CCSAP: variants seen among roughly 807,000 people sequenced by gnomAD.
CCSAP encodes the protein centriole, cilia and spindle associated protein, also known as centriole, cilia and spindle-associated protein.
A neutral mutation model predicts 25.9 loss-of-function variants in CCSAP; 17 were observed. That is an observed-to-expected ratio of 0.66 (90% CI 0.45 to 0.99). The LOEUF (loss-of-function observed/expected upper bound fraction) is 0.99. Among genes scored for constraint, CCSAP ranks in the 50% least tolerant of loss-of-function variants. CCSAP has a pLI of 0.00. For synonymous variants in CCSAP, 169 were observed against 157.1 expected (o/e 1.08, Z -0.57); for missense variants, 339 against 367.8 (o/e 0.92, Z 0.64).
chr1:229,342,587 C>T lies in CCSAP; in HGVS notation c.-48-74G>A, dbSNP rs1354860461. ...CCCTGCCCGCCGCGACGTTTAAACC[C>T]GGAGCCCCGCCCGGACGGGAGCAGG... is the stretch of plus-strand genomic sequence containing the variant. On this transcript the variant is annotated intron_variant, in intron 1 of 3. Coordinates refer to ENST00000284617, the MANE Select transcript of CCSAP (RefSeq NM_145257.5). The surrounding 1 kb of genome is among the most constrained non-coding windows in gnomAD (Gnocchi z 7.5). 3 of 625,514 alleles carry T rather than the reference C, an allele frequency of 4.8e-6. No homozygotes were observed. The highest frequency in any genetic ancestry group is 6.9e-6 in the Non-Finnish European group (3 of 436,048). 38.7% of individuals were successfully genotyped at this position (625,514 alleles called of 1,614,324 possible). A position where few individuals can be genotyped will look rare whatever the true frequency, so the allele number is the denominator to read the frequency against.
In CCSAP at chr1:229,342,525, G is replaced by A. The variant is rs1481834192; in HGVS notation, c.-48-12C>T. 20 of 1,175,542 alleles carry A rather than the reference G, an allele frequency of 1.7e-5. No homozygotes were observed. The highest frequency in any genetic ancestry group is 6.1e-5 in the South Asian group (2 of 32,668). 72.8% of individuals were successfully genotyped at this position (1,175,542 alleles called of 1,614,324 possible). A position where few individuals can be genotyped will look rare whatever the true frequency, so the allele number is the denominator to read the frequency against. ...TCGCTGCCCGCAGCCTACGGGACCC[G>A]GTACACGACACAGAGGCCGCCCCGC... On this transcript the variant is annotated splice_polypyrimidine_tract_variant and intron_variant, in intron 1 of 3. Coordinates refer to ENST00000284617, the MANE Select transcript of CCSAP (RefSeq NM_145257.5). The surrounding 1 kb of genome is among the most constrained non-coding windows in gnomAD (Gnocchi z 7.5).
intron 2 of CCSAP, among the ~76,000 whole-genome samples, chr1:229,339,156 T>C (rs1441361583): frequency 2.1e-5 from 3 of 143,310 alleles, no homozygotes; most frequent in Admixed American, 1.4e-4. Flanking sequence ...ATTAAAAACA[T>C]GAGTTTGTCT....
intron 2 of CCSAP, among the ~76,000 whole-genome samples, chr1:229,337,562 G>A (rs940433176): frequency 1.3e-5 from 2 of 150,258 alleles, no homozygotes; most frequent in African/African-American, 4.9e-5. Context: ...CTTGAGATGT[G>A]CAAGGCAGGG....
intron 2 of CCSAP, among the ~76,000 whole-genome samples, chr1:229,337,855 TAAG>T (rs2102698677): frequency 6.6e-6 from 1 of 150,648 alleles, no homozygotes; most frequent in East Asian, 1.9e-4. Context: ...CTAAAATAAA[TAAG>T]AAATAAGAAA....
At position 229,321,933 on chromosome 1, in the gene CCSAP, AACAACTATTT is replaced by A. The variant is rs2102688797; in HGVS notation, c.*3292_*3301del. On this transcript the variant is annotated 3_prime_UTR_variant, in exon 4 of 4. Coordinates refer to ENST00000284617, the MANE Select transcript of CCSAP (RefSeq NM_145257.5). ...CATTATTCCCTAAACAATATAGTATAACAACTATTTACAGAGCATTTACATTGTATTAGGT... is the reference window on the plus strand; with the variant it reads ...CATTATTCCCTAAACAATATAGTATAACAGAGCATTTACATTGTATTAGGT... 1 of 152,354 alleles carries A rather than the reference AACAACTATTT, an allele frequency of 6.6e-6. No individual in the cohort carries two copies. The highest frequency in any genetic ancestry group is 2.4e-5 in the African/African-American group (1 of 41,584). The allele number at this position is 152,354 out of a possible 1,614,324, so 9.4% of individuals were successfully genotyped here.
At chr1:229,332,572 C>T (rs1298355923) in intron 2 of CCSAP, among the ~76,000 whole-genome samples, 1 of 152,174 alleles carries the variant, frequency 6.6e-6, no homozygotes, top group African/African-American at 2.4e-5. Flanking sequence ...ACAGCATTAT[C>T]CACCAGTTAT....
intron 2 of CCSAP, among the ~76,000 whole-genome samples, chr1:229,337,706 C>CATATATATATATATATATATATATAT (rs397733324): frequency 1.1e-5 from 1 of 88,626 alleles, no homozygotes; most frequent in Non-Finnish European, 2.2e-5. Flanking sequence ...TATACACATA[C>CATATATATATATATATATATATATAT]ATATATATAT....
chr1:229,330,558 G>A (rs982497850), intron 2 of CCSAP, among the ~76,000 whole-genome samples: 2 of 152,216 alleles, frequency 1.3e-5, no homozygotes, highest in Non-Finnish European at 2.9e-5. Context: ...AAAAGAAAGT[G>A]CAGGCCGGGC....
In CCSAP at chr1:229,327,092, C is replaced by G. The variant is rs950232807; in HGVS notation, c.368-86G>C. 2.6e-6 allele frequency: 3 copies of G among 1,143,440 alleles called. No homozygotes were observed. In the South Asian group the frequency reaches 5.7e-5, roughly 22 times the overall value. The allele number at this position is 1,143,440 out of a possible 1,614,324, so 70.8% of individuals were successfully genotyped here. A position where few individuals can be genotyped will look rare whatever the true frequency, so the allele number is the denominator to read the frequency against. On this transcript the variant is annotated intron_variant, in intron 2 of 3. Transcript: ENST00000284617. The stretch of plus-strand genomic sequence containing the variant: ...ATATTTATGTTGAAAAATCATAATG[C>G]TTAAGACAGTAACATTTTCACTTAT...
At chr1:229,335,338 T>C (rs999270534) in intron 2 of CCSAP, among the ~76,000 whole-genome samples, 1 of 150,820 alleles carries the variant, frequency 6.6e-6, no homozygotes, top group African/African-American at 2.4e-5. Flanking sequence ...AAAAAAAAAA[T>C]GAAAGAGTTG....
intron 2 of CCSAP, among the ~76,000 whole-genome samples, chr1:229,337,423 T>C (rs1658217080): frequency 6.6e-6 from 1 of 151,636 alleles, no homozygotes; most frequent in Admixed American, 6.6e-5. Flanking sequence ...AAAATATCAA[T>C]CCTGGATATA....
At chr1:229,331,789 T>TATTATTATTATG (rs769089890) in intron 2 of CCSAP, among the ~76,000 whole-genome samples, 1 of 76,112 alleles carries the variant, frequency 1.3e-5, no homozygotes. Context: ...AATATCCTTT[T>TATTATTATTATG]ATTATTATTA....
At chr1:229,338,568 C>T (rs577460735) in intron 2 of CCSAP, among the ~76,000 whole-genome samples, 1 of 150,790 alleles carries the variant, frequency 6.6e-6, no homozygotes, top group Non-Finnish European at 1.5e-5. Context: ...CACACACACA[C>T]ACACACAGAA....
In CCSAP at chr1:229,342,109, C is replaced by T; in HGVS notation, c.357G>A (p.Ala119=). Residue 119 remains alanine, a synonymous_variant, in exon 2 of 4, where the codon GCG becomes GCA. Coordinates refer to ENST00000284617, the MANE Select transcript of CCSAP (RefSeq NM_145257.5). This position sits in a 1 kb window ranked among gnomAD's most constrained non-coding sequence, Gnocchi z 7.5. ...GDAEAEDAED[A]ALPALPVKDV... ...CTCCGGGCCGGGTACCTGGCAGAGC[C>T]GCGTCCTCCGCGTCCTCGGCCTCCG... 1.5e-6 allele frequency: 2 copies of T among 1,345,602 alleles called. No homozygotes were observed. Among genetic ancestry groups the T allele is most frequent in the Non-Finnish European group, 1.9e-6 (2 of 1,050,968 alleles). 83.4% of individuals were successfully genotyped at this position (1,345,602 alleles called of 1,614,324 possible).
intron 3 of CCSAP, among the ~76,000 whole-genome samples, chr1:229,326,007 T>C (rs1452391191): frequency 6.6e-6 from 1 of 152,252 alleles, no homozygotes; most frequent in African/African-American, 2.4e-5. Flanking sequence ...GCTGTTTATC[T>C]AGAACTCAAG....
At chr1:229,325,889 G>A (rs1296686981) in intron 3 of CCSAP, among the ~76,000 whole-genome samples, 1 of 152,120 alleles carries the variant, frequency 6.6e-6, no homozygotes, top group Non-Finnish European at 1.5e-5. Flanking sequence ...TAATCCCACG[G>A]ACTTCTTAGA....
chr1:229,333,537 A>G (rs1658131768), intron 2 of CCSAP, among the ~76,000 whole-genome samples: 1 of 151,744 alleles, frequency 6.6e-6, no homozygotes, highest in Non-Finnish European at 1.5e-5. Flanking sequence ...TGTACACTTC[A>G]TTTATTTATT....
chr1:229,330,012 A>T lies in CCSAP; in HGVS notation c.368-3006T>A, dbSNP rs189453832. On this transcript the variant is annotated intron_variant, in intron 2 of 3. Coordinates refer to ENST00000284617, the MANE Select transcript of CCSAP (RefSeq NM_145257.5). The stretch of plus-strand genomic sequence containing the variant: ...ATCTCAAAAAAATAATAATAAATAA[A>T]TAAAAACAAGGACCCTCCAAAGCAG... 2.3e-3 allele frequency among the ~76,000 whole-genome samples: 349 copies of T among 152,202 alleles called. 1 individual carries two copies. Among genetic ancestry groups the T allele is most frequent in the African/African-American group, 8.1e-3 (336 of 41,500 alleles).
rs539038487 is a variant in CCSAP at position 229,322,827 on chromosome 1, A to C, written c.*2408T>G. 3 of 152,336 alleles carry C rather than the reference A, an allele frequency of 2.0e-5. No homozygotes were observed. Among genetic ancestry groups the C allele is most frequent in the East Asian group, 3.9e-4 (2 of 5,194 alleles). 9.4% of individuals were successfully genotyped at this position (152,336 alleles called of 1,614,324 possible). On this transcript the variant is annotated 3_prime_UTR_variant, in exon 4 of 4. Transcript: ENST00000284617. ...TATGACATTGTTTTAATTAAGTTAA[A>C]ATCAAAATTTTAAAAAGAGTTTTAT...
Sources: gnomAD v4.1 joint callset for allele counts (sites outside exome capture counted in the v4.1 genomes callset) on GRCh38, gnomAD v4.1.1 for gene constraint, Gnocchi (gnomAD v3.1) non-coding constraint, MANE v1.5 for transcripts, NCBI Gene and HGNC (gene_info 2026-07-23, HGNC 2026-07-21) for gene names.